The following NR1H4 variants were observed in gnomAD, a reference collection of about 807,000 sequenced individuals.
The protein encoded by NR1H4 is nuclear receptor subfamily 1 group H member 4, also known as bile acid receptor.
NR1H4 carries 23 observed loss-of-function variants against 58.5 expected under a neutral mutation model. The observed-to-expected ratio is 0.39, with a 90% CI of 0.28 to 0.56. The LOEUF is 0.56. NR1H4 is among the 20% of genes least tolerant of loss of function. The pLI is 0.58. For synonymous variants in NR1H4, 214 were observed against 198.0 expected (o/e 1.08, Z -0.68); for missense variants, 487 against 576.9 (o/e 0.84, Z 1.60).
intron 4 of NR1H4, among the ~76,000 whole-genome samples, chr12:100,522,544 G>GTT (rs952647825): frequency 2.1e-5 from 3 of 142,886 alleles, no homozygotes; most frequent in African/African-American, 2.6e-5. Flanking sequence ...TTTTTAAAAA[G>GTT]TTTTTTTTTT....
intron 1 of NR1H4, among the ~76,000 whole-genome samples, chr12:100,478,747 G>A (rs1953320773): frequency 6.6e-6 from 1 of 152,014 alleles, no homozygotes; most frequent in African/African-American, 2.4e-5. Context: ...GAACATCCTG[G>A]TGCATACCAG....
At chr12:100,552,806 C>T (rs1328218807) in intron 9 of NR1H4, among the ~76,000 whole-genome samples, 2 of 152,004 alleles carry the variant, frequency 1.3e-5, no homozygotes, top group African/African-American at 4.8e-5. Flanking sequence ...GTAGTCCTAG[C>T]CACTCAAGAG....
rs1009242542 is a variant in NR1H4, at chr12:100,563,569, T to C, written c.*80T>C. ...GTATAACTTTCCTTTATTTCACTTG[T>C]ACCCAGTTTCACTCAAGAAATCTTG... On this transcript the variant is annotated 3_prime_UTR_variant, in exon 11 of 11. Transcript: ENST00000392986. 2 of 1,106,512 alleles carry C rather than the reference T, an allele frequency of 1.8e-6. No homozygotes were observed. Among genetic ancestry groups the C allele is most frequent in the Non-Finnish European group, 2.8e-6 (2 of 721,322 alleles). The allele number at this position is 1,106,512 out of a possible 1,614,324, so 68.5% of individuals were successfully genotyped here. A position where few individuals can be genotyped will look rare whatever the true frequency, so the allele number is the denominator to read the frequency against.
At chr12:100,485,207 C>T (rs1217042004) in intron 1 of NR1H4, among the ~76,000 whole-genome samples, 1 of 152,142 alleles carries the variant, frequency 6.6e-6, no homozygotes, top group Non-Finnish European at 1.5e-5. Context: ...GCTTTTTCTA[C>T]AAAGGATAGA....
intron 9 of NR1H4, among the ~76,000 whole-genome samples, chr12:100,558,097 A>C (rs1565785810): frequency 1.3e-5 from 2 of 151,396 alleles, no homozygotes; most frequent in East Asian, 3.9e-4. Flanking sequence ...GTGGTGGCTC[A>C]CGCCTATAAT....
chr12:100,553,080 C>G (rs1426185598), intron 9 of NR1H4, among the ~76,000 whole-genome samples: 2 of 152,038 alleles, frequency 1.3e-5, no homozygotes, highest in Non-Finnish European at 2.9e-5. Context: ...CTCGCTGCAA[C>G]CTCCGTCTCT....
intron 3 of NR1H4, among the ~76,000 whole-genome samples, chr12:100,508,931 C>T (rs1593068513): frequency 6.6e-6 from 1 of 152,086 alleles, no homozygotes; most frequent in Non-Finnish European, 1.5e-5. Context: ...CATACGTTTC[C>T]CTGTGGAAAA....
At chr12:100,529,303 G>A (rs145137361) in intron 4 of NR1H4, among the ~76,000 whole-genome samples, 31 of 152,136 alleles carry the variant, frequency 2.0e-4, no homozygotes, top group Non-Finnish European at 4.1e-4. Context: ...TCCCACTTTA[G>A]TTCAGGCATT....
At chr12:100,555,659 C>G (rs970841185) in intron 9 of NR1H4, among the ~76,000 whole-genome samples, 10 of 152,148 alleles carry the variant, frequency 6.6e-5, no homozygotes, top group African/African-American at 2.2e-4. Flanking sequence ...TAAGCACTCT[C>G]TATATATCTC....
chr12:100,523,134 G>A (rs985739479), intron 4 of NR1H4, among the ~76,000 whole-genome samples: 4 of 152,188 alleles, frequency 2.6e-5, no homozygotes, highest in Admixed American at 2.0e-4. Context: ...TCTCCATAAC[G>A]TTTTCCATAG....
chr12:100,482,552 T>C (rs1953403952), intron 1 of NR1H4, among the ~76,000 whole-genome samples: 1 of 152,184 alleles, frequency 6.6e-6, no homozygotes. Context: ...GGAGATCCAA[T>C]GTAATCTCTC....
chr12:100,526,060 A>C (rs912856229), intron 4 of NR1H4, among the ~76,000 whole-genome samples: 1 of 151,676 alleles, frequency 6.6e-6, no homozygotes, highest in Non-Finnish European at 1.5e-5. Context: ...TAGCCTTATT[A>C]ATTTTATAGA....
At chr12:100,475,184 A>T (rs1953242885) in intron 1 of NR1H4, among the ~76,000 whole-genome samples, 1 of 146,726 alleles carries the variant, frequency 6.8e-6, no homozygotes, top group Non-Finnish European at 1.5e-5. Context: ...TTCCTAAAAA[A>T]AGGAAGGGAG....
Position 100,540,915 on chromosome 12 carries a change from T to A in NR1H4, c.1078+97T>A, listed in dbSNP as rs888986026. ...CTCTTGCCAATCTTATGCAATGTTA[T>A]ATGCCTGTTGTGCCTAGCATGAAGA... On this transcript the variant is annotated intron_variant, in intron 9 of 10. Transcript: ENST00000392986. 3 of 1,161,494 alleles carry A rather than the reference T, an allele frequency of 2.6e-6. No individual in the cohort carries two copies. In the African/African-American group the frequency reaches 4.5e-5, roughly 18 times the overall value. The allele number at this position is 1,161,494 out of a possible 1,614,324, so 71.9% of individuals were successfully genotyped here.
chr12:100,491,464 C>T (rs887614448), intron 1 of NR1H4, among the ~76,000 whole-genome samples: 7 of 150,358 alleles, frequency 4.7e-5, no homozygotes, highest in Non-Finnish European at 3.0e-5. Context: ...TTTTTATTTA[C>T]AACCCTTTTC....
chr12:100,531,159 A>G (rs1289359858), intron 4 of NR1H4, among the ~76,000 whole-genome samples: 1 of 152,208 alleles, frequency 6.6e-6, no homozygotes, highest in Non-Finnish European at 1.5e-5. Flanking sequence ...GCCCTCATCA[A>G]AAAAGTTCAG....
In NR1H4 at chr12:100,510,673, T is replaced by C. The variant is rs1954087065; in HGVS notation, c.80-105T>C. 3.2e-5 allele frequency: 33 copies of C among 1,031,394 alleles called. No individual in the cohort carries two copies. The South Asian group carries it at 4.3e-4, about 13-fold the overall frequency. 63.9% of individuals were successfully genotyped at this position (1,031,394 alleles called of 1,614,324 possible). A position where few individuals can be genotyped will look rare whatever the true frequency, so the allele number is the denominator to read the frequency against. Reference sequence around the variant, plus strand: ...TGTAAACTTTTATGTAGTTAAATGTTTCAATCTTTTCTTAGAGCCCACACT... The same window carrying C: ...TGTAAACTTTTATGTAGTTAAATGTCTCAATCTTTTCTTAGAGCCCACACT... On this transcript the variant is annotated intron_variant, in intron 3 of 10. Transcript: ENST00000392986.
chr12:100,506,537 G>T (rs1396275612), intron 3 of NR1H4, among the ~76,000 whole-genome samples: 1 of 151,998 alleles, frequency 6.6e-6, no homozygotes, highest in Admixed American at 6.6e-5. Context: ...ATGGAGTCTC[G>T]CTCTGTCACC....
intron 9 of NR1H4, among the ~76,000 whole-genome samples, chr12:100,551,312 T>A (rs1156823829): frequency 1.3e-5 from 2 of 152,242 alleles, no homozygotes; most frequent in African/African-American, 4.8e-5. Flanking sequence ...TATACTGTGC[T>A]TATTTTTGTT....
Sources: allele counts gnomAD v4.1 joint callset (sites outside exome capture counted in the v4.1 genomes callset), GRCh38; gene constraint gnomAD v4.1.1; transcripts MANE v1.5; gene names NCBI Gene and HGNC (gene_info 2026-07-23, HGNC 2026-07-21).